The following BCR variants were observed in gnomAD, a reference collection of about 807,000 sequenced individuals.
BCR encodes BCR activator of RhoGEF and GTPase.
A neutral mutation model predicts 138.6 loss-of-function variants in BCR; 58 were observed. The observed-to-expected ratio is 0.42, with a 90% CI of 0.34 to 0.52. BCR has a LOEUF of 0.52. Among genes scored for constraint, BCR ranks in the 20% least tolerant of loss-of-function variants. The probability of loss-of-function intolerance (pLI) is 0.06; values close to 1 mark genes in which losing one functional copy is unlikely to be tolerated. For synonymous variants in BCR, 786 were observed against 730.1 expected (o/e 1.08, Z -1.23); for missense variants, 1,599 against 1,727.2 (o/e 0.93, Z 1.32).
intron 1 of BCR, among the ~76,000 whole-genome samples, chr22:23,220,738 G>A (rs12160770): frequency 0.034 from 5,136 of 152,242 alleles, 281 homozygotes; most frequent in African/African-American, 0.12. Context: ...CTCTGGACCC[G>A]CATTCCCATC....
intron 1 of BCR, among the ~76,000 whole-genome samples, chr22:23,185,775 C>G (rs143268062): frequency 6.6e-6 from 1 of 151,154 alleles, no homozygotes; most frequent in Non-Finnish European, 1.5e-5. Flanking sequence ...GTCGCCCAGG[C>G]TGGAGTGCAG....
In BCR at chr22:23,284,151, G is replaced by A. The variant is rs778591852; in HGVS notation, c.2237+53G>A. 2.5e-6 allele frequency: 4 copies of A among 1,600,648 alleles called. No homozygotes were observed. The South Asian group carries it at 4.5e-5, about 18-fold the overall frequency. The stretch of plus-strand genomic sequence containing the variant: ...GCAGTGACCCCACCCTGACTCTCCA[G>A]GTCATGGAGGGTCTTGTCATGGCGG... On this transcript the variant is annotated intron_variant, in intron 9 of 22. Coordinates refer to ENST00000305877, the MANE Select transcript of BCR (RefSeq NM_004327.4).
chr22:23,247,651 A>G (rs1046863239), intron 1 of BCR, among the ~76,000 whole-genome samples: 1 of 152,154 alleles, frequency 6.6e-6, no homozygotes, highest in South Asian at 2.1e-4. Context: ...CTCTCTAGGC[A>G]TATCTGGCCT....
intron 1 of BCR, among the ~76,000 whole-genome samples, chr22:23,216,665 A>G (rs1169014917): frequency 6.6e-6 from 1 of 152,212 alleles, no homozygotes; most frequent in East Asian, 1.9e-4. Flanking sequence ...CTGGCTTGGT[A>G]TGAGGTGGTT....
At chr22:23,267,670 C>T (rs559290105) in intron 4 of BCR, among the ~76,000 whole-genome samples, 2 of 152,294 alleles carry the variant, frequency 1.3e-5, no homozygotes, top group East Asian at 1.9e-4. Context: ...ATTTTTCCCT[C>T]GCTGCCCATA....
chr22:23,263,262 A>T, intron 4 of BCR: 1 of 1,087,900 alleles, frequency 9.2e-7, no homozygotes, highest in South Asian at 1.4e-5. Context: ...CTACCTCGAC[A>T]TGCGGGCCCT....
chr22:23,292,299 T>C (rs2073797127), intron 14 of BCR, among the ~76,000 whole-genome samples: 1 of 152,222 alleles, frequency 6.6e-6, no homozygotes, highest in South Asian at 2.1e-4. Flanking sequence ...GAACGAATGT[T>C]GTGGGAAGTC....
rs542065437 is a variant in BCR, at chr22:23,312,435, G to A, written c.3323-452G>A. On this transcript the variant is annotated intron_variant, in intron 19 of 22. Coordinates refer to ENST00000305877, the MANE Select transcript of BCR (RefSeq NM_004327.4). ...CCTGTGGTAGTTTCAGCTCCCTCTG[G>A]GGGCCCAGAATGAACCTGGCCTGTG... is the stretch of plus-strand genomic sequence containing the variant. 967 of 174,928 alleles carry A rather than the reference G, an allele frequency of 5.5e-3. 7 individuals carry two copies. Among genetic ancestry groups the A allele is most frequent in the African/African-American group, 0.021 (903 of 42,710 alleles). The allele number at this position is 174,928 out of a possible 1,614,324, so 10.8% of individuals were successfully genotyped here.
chr22:23,288,284 A>T, intron 12 of BCR, 112 bp downstream of exon 12: 1 of 1,108,260 alleles, frequency 9.0e-7, no homozygotes, highest in Non-Finnish European at 1.4e-6. Context: ...ATCCAAGTGA[A>T]GTGTTGCATG....
intron 2 of BCR, among the ~76,000 whole-genome samples, chr22:23,255,157 G>A (rs992189969): frequency 1.3e-5 from 2 of 152,212 alleles, no homozygotes; most frequent in African/African-American, 4.8e-5. Flanking sequence ...CATGTTAGCT[G>A]CACGCCTGGG....
At chr22:23,254,139 CACAG>C (rs1746842061) in intron 2 of BCR, among the ~76,000 whole-genome samples, 159 bp downstream of exon 2, 2 of 152,282 alleles carry the variant, frequency 1.3e-5, no homozygotes, top group Admixed American at 6.5e-5. Context: ...ACATGTGGTA[CACAG>C]ACAGCCTGCC....
intron 8 of BCR, among the ~76,000 whole-genome samples, chr22:23,274,530 C>T (rs1049979574): frequency 3.3e-5 from 5 of 152,156 alleles, no homozygotes; most frequent in African/African-American, 1.2e-4. Flanking sequence ...AGCTGACCCC[C>T]GGCCTCAGGG....
Position 23,180,937 on chromosome 22 carries a change from G to GGCGCAGGTAAGGCCGGCC in BCR, c.-19_-2dup. ...AGACGGGCCCCGCGCGCAGCCCGGC[G>GGCGCAGGTAAGGCCGGCC]GCGCAGGTAAGGCCGGCCGCGCCAT... On this transcript the variant is annotated 5_prime_UTR_variant, in exon 1 of 23. Transcript: ENST00000305877. 8.5e-7 allele frequency: 1 copy of GGCGCAGGTAAGGCCGGCC among 1,178,098 alleles called. No homozygotes were observed. The highest frequency in any genetic ancestry group is 1.1e-6 in the Non-Finnish European group (1 of 943,388). 73.0% of individuals were successfully genotyped at this position (1,178,098 alleles called of 1,614,324 possible).
intron 1 of BCR, among the ~76,000 whole-genome samples, chr22:23,202,280 A>G (rs993704638): frequency 2.6e-5 from 4 of 152,168 alleles, no homozygotes; most frequent in Non-Finnish European, 4.4e-5. Context: ...GGGTTTTGGT[A>G]TATTACATTA....
chr22:23,265,664 C>G (rs1303710261), intron 4 of BCR, among the ~76,000 whole-genome samples: 5 of 152,212 alleles, frequency 3.3e-5, no homozygotes, highest in African/African-American at 7.2e-5. Flanking sequence ...TACAGGAGAA[C>G]TGTAAGAATG....
At chr22:23,288,961 G>A (rs539932107) in intron 12 of BCR, among the ~76,000 whole-genome samples, 3 of 152,292 alleles carry the variant, frequency 2.0e-5, no homozygotes, top group East Asian at 1.9e-4. Flanking sequence ...GCCACCTCTC[G>A]GCCCCCAATG....
rs562856425 is a variant in BCR at position 23,209,951 on chromosome 22, C to T, written c.1279+27712C>T. Among the ~76,000 whole-genome samples the T allele has an allele frequency of 3.7e-3, 558 of 152,232 alleles. 3 individuals are homozygous for T. The highest frequency in any genetic ancestry group is 0.013 in the African/African-American group (544 of 41,536). ...CTACTCAATGGTATTTTTCACATAT[C>T]AGATTTTTACATTATTTGCCCCTCA... On this transcript the variant is annotated intron_variant, in intron 1 of 22. Coordinates refer to ENST00000305877, the MANE Select transcript of BCR (RefSeq NM_004327.4).
At chr22:23,271,397 C>A in intron 5 of BCR, 135 bp from the exon 6 acceptor site, 2 of 887,954 alleles carry the variant, frequency 2.3e-6, no homozygotes, top group South Asian at 1.5e-5. Flanking sequence ...CACCCTGTGA[C>A]TTCATTATCA....
chr22:23,263,438 C>A, intron 4 of BCR: 1 of 1,363,990 alleles, frequency 7.3e-7, no homozygotes, highest in Non-Finnish European at 1.0e-6. Flanking sequence ...TAGTGGGGTG[C>A]TGCCGAGAGG....
Sources: allele counts gnomAD v4.1 joint callset (sites outside exome capture counted in the v4.1 genomes callset), GRCh38; gene constraint gnomAD v4.1.1; transcripts MANE v1.5; gene names NCBI Gene and HGNC (gene_info 2026-07-23, HGNC 2026-07-21).